DUSP22: variants seen among roughly 807,000 people sequenced by gnomAD.
DUSP22 encodes dual specificity phosphatase 22, also known as dual specificity protein phosphatase 22.
In DUSP22, 24 loss-of-function variants were observed where a neutral mutation model predicts 24.5. The ratio of observed to expected loss-of-function variants is 0.98; its 90% CI spans 0.71 to 1.38. DUSP22 has a LOEUF of 1.38. Among genes scored for constraint, DUSP22 ranks in the 40% most tolerant of loss-of-function variants. The pLI, the probability that DUSP22 is intolerant of heterozygous loss-of-function variation, is 0.00. For synonymous variants in DUSP22, 160 were observed against 106.4 expected, an observed-to-expected ratio of 1.50 and a Z score of -3.10; for missense variants, 330 against 269.2, an observed-to-expected ratio of 1.23 and a Z score of -1.58.
Position 311,899 on chromosome 6 carries a change from A to C in DUSP22, c.75A>C (p.Gln25His). The C allele has an allele frequency of 6.2e-7, 1 of 1,612,726 alleles. No individual in the cohort carries two copies. Among genetic ancestry groups the C allele is most frequent in the Non-Finnish European group, 8.5e-7 (1 of 1,179,178 alleles). The change falls in exon 3 of 7, where the codon CAA becomes CAC. Residue 25 changes from glutamine to histidine, a missense_variant. Transcript: ENST00000419235. ...GNFKDARDAE[Q>H]LSKNKVTHIL... Reference sequence around the variant, plus strand: ...TGACAGATGCCAGAGACGCGGAACAATTGAGCAAGAACAAGGTGACACATA... The same window carrying C: ...TGACAGATGCCAGAGACGCGGAACACTTGAGCAAGAACAAGGTGACACATA...
intron 2 of DUSP22, among the ~76,000 whole-genome samples, chr6:306,439 G>C (rs994569256): frequency 6.6e-6 from 1 of 152,308 alleles, no homozygotes; most frequent in Non-Finnish European, 1.5e-5. Flanking sequence ...AATAACATAG[G>C]ACTCCTTGCA....
chr6:348,521 TC>T, intron 6 of DUSP22: 1 of 856,080 alleles, frequency 1.2e-6, no homozygotes, highest in Non-Finnish European at 1.8e-6. Context: ...TTTGTTTCTC[TC>T]CCTTTGGGTG....
At chr6:327,653 T>TG (rs1474168967) in intron 3 of DUSP22, among the ~76,000 whole-genome samples, 1 of 152,280 alleles carries the variant, frequency 6.6e-6, no homozygotes, top group African/African-American at 2.4e-5. Context: ...GCTGGTGGTG[T>TG]GGGGGCCCAG....
chr6:336,674 C>T (rs1250035088), intron 4 of DUSP22, among the ~76,000 whole-genome samples: 25 of 152,288 alleles, frequency 1.6e-4, no homozygotes, highest in African/African-American at 5.8e-4. Flanking sequence ...TGTGTTTCCA[C>T]ATGCACTCTT....
chr6:343,558 G>T (rs1171554764), intron 4 of DUSP22, among the ~76,000 whole-genome samples: 11 of 152,248 alleles, frequency 7.2e-5, no homozygotes, highest in African/African-American at 2.7e-4. Flanking sequence ...AACAAAAGCA[G>T]ATGTGCTAGT....
intron 3 of DUSP22, among the ~76,000 whole-genome samples, chr6:316,068 T>C (rs1758324001): frequency 6.6e-6 from 1 of 152,308 alleles, no homozygotes; most frequent in African/African-American, 2.4e-5. Flanking sequence ...ATGTGATCCC[T>C]GGCATTCCAG....
At chr6:327,024 A>C (rs954007090) in intron 3 of DUSP22, among the ~76,000 whole-genome samples, 1 of 152,308 alleles carries the variant, frequency 6.6e-6, no homozygotes, top group Non-Finnish European at 1.5e-5. Context: ...TGCTGCAGCT[A>C]CTGTAGCCTC....
At chr6:316,502 C>T (rs1454561350) in intron 3 of DUSP22, among the ~76,000 whole-genome samples, 7 of 152,294 alleles carry the variant, frequency 4.6e-5, no homozygotes, top group African/African-American at 1.2e-4. Context: ...GTGTCTTCAG[C>T]GTCTACTGAT....
chr6:307,962 C>G (rs1431443328), intron 2 of DUSP22, among the ~76,000 whole-genome samples: 22 of 152,294 alleles, frequency 1.4e-4, no homozygotes. Flanking sequence ...CTTATTTTTT[C>G]CACATGAATT....
At chr6:321,199 C>T (rs1242211098) in intron 3 of DUSP22, among the ~76,000 whole-genome samples, 5 of 152,290 alleles carry the variant, frequency 3.3e-5, no homozygotes, top group African/African-American at 1.2e-4. Flanking sequence ...GTACAGGGTG[C>T]ACTAAGGGAT....
At chr6:320,575 C>T (rs1369441457) in intron 3 of DUSP22, among the ~76,000 whole-genome samples, 1 of 152,304 alleles carries the variant, frequency 6.6e-6, no homozygotes, top group East Asian at 1.9e-4. Context: ...TGCCAAAGTG[C>T]CTATCATAGA....
chr6:345,707 C>A, intron 4 of DUSP22, 147 bp from the exon 5 acceptor site: 1 of 939,966 alleles, frequency 1.1e-6, no homozygotes, highest in Non-Finnish European at 1.6e-6. Context: ...AAGTGTCACA[C>A]TGTAGCCCAT....
intron 4 of DUSP22, among the ~76,000 whole-genome samples, chr6:336,205 C>T (rs1250167130): frequency 6.6e-6 from 1 of 152,308 alleles, no homozygotes; most frequent in East Asian, 1.9e-4. Context: ...TGAGTCTGGC[C>T]TCTGATTCTC....
At chr6:332,085 C>A in intron 3 of DUSP22, among the ~76,000 whole-genome samples, 1 of 152,426 alleles carries the variant, frequency 6.6e-6, no homozygotes. Context: ...TCTTTGTGTT[C>A]ATTGTTCTCA....
intron 3 of DUSP22, among the ~76,000 whole-genome samples, chr6:318,707 G>T (rs1186478757): frequency 7.2e-5 from 11 of 152,306 alleles, no homozygotes; most frequent in Admixed American, 5.2e-4. Flanking sequence ...AACCCCCAAA[G>T]CCACACATCT....
intron 3 of DUSP22, among the ~76,000 whole-genome samples, chr6:321,582 T>C (rs1758591080): frequency 6.6e-6 from 1 of 152,278 alleles, no homozygotes; most frequent in Admixed American, 6.5e-5. Flanking sequence ...TAAAGTGACA[T>C]AACAAAGTTG....
chr6:328,955 C>T (rs1759013872), intron 3 of DUSP22, among the ~76,000 whole-genome samples: 1 of 152,300 alleles, frequency 6.6e-6, no homozygotes, highest in South Asian at 2.1e-4. Flanking sequence ...CTGCTTTTTC[C>T]CTTTAACCTT....
chr6:328,675 C>G (rs564215989), intron 3 of DUSP22, among the ~76,000 whole-genome samples: 2 of 152,294 alleles, frequency 1.3e-5, no homozygotes, highest in African/African-American at 4.8e-5. Context: ...GAATCAGTGG[C>G]AAATGGGTGC....
In DUSP22 at chr6:350,849, C is replaced by A. The variant is rs553750889; in HGVS notation, c.*1898C>A. On this transcript the variant is annotated 3_prime_UTR_variant, in exon 7 of 7. Coordinates refer to ENST00000419235, the MANE Select transcript of DUSP22 (RefSeq NM_001286555.3). ...GCTCCGGGAATTCTGAAGTTCTGGG[C>A]CTTTCTCAGAAGACTGTAATGTACC... 1.9e-6 allele frequency: 3 copies of A among 1,614,146 alleles called. No homozygotes were observed. In the African/African-American group the frequency reaches 4.0e-5, roughly 22 times the overall value.
Sources: gnomAD v4.1 joint callset for allele counts (sites outside exome capture counted in the v4.1 genomes callset) on GRCh38, gnomAD v4.1.1 for gene constraint, MANE v1.5 for transcripts, NCBI Gene and HGNC (gene_info 2026-07-23, HGNC 2026-07-21) for gene names.